The following CFAP61 variants were observed in gnomAD, a reference collection of about 807,000 sequenced individuals.
CFAP61 encodes the protein cilia and flagella associated protein 61.
A neutral mutation model predicts 135.6 loss-of-function variants in CFAP61; 107 were observed. The ratio of observed to expected loss-of-function variants is 0.79; its 90% CI spans 0.67 to 0.93. The LOEUF (loss-of-function observed/expected upper bound fraction) is 0.93. CFAP61 is among the 40% of genes least tolerant of loss of function. The probability of loss-of-function intolerance (pLI) is 0.00; values close to 1 mark genes in which losing one functional copy is unlikely to be tolerated. For synonymous variants in CFAP61, 575 were observed against 578.5 expected, an observed-to-expected ratio of 0.99 and a Z score of 0.09; for missense variants, 1,507 against 1,556.2, an observed-to-expected ratio of 0.97 and a Z score of 0.53.
At chr20:20,312,994 T>C (rs772174330) in intron 25 of CFAP61, among the ~76,000 whole-genome samples, 3 of 152,232 alleles carry the variant, frequency 2.0e-5, no homozygotes, top group African/African-American at 4.8e-5. Flanking sequence ...TTCCAACTGA[T>C]AGCCTTGCGT....
At chr20:20,201,945 A>G (rs1316153709) in intron 17 of CFAP61, among the ~76,000 whole-genome samples, 1 of 152,114 alleles carries the variant, frequency 6.6e-6, no homozygotes, top group Non-Finnish European at 1.5e-5. Flanking sequence ...CGTTTTTATG[A>G]ATATGAAGCA....
chr20:20,249,772 T>A (rs532391220), intron 19 of CFAP61, among the ~76,000 whole-genome samples: 10 of 152,334 alleles, frequency 6.6e-5, no homozygotes, highest in Middle Eastern at 3.4e-3. Flanking sequence ...AAATTTCCCC[T>A]GAGAGCCTTT....
intron 8 of CFAP61, among the ~76,000 whole-genome samples, chr20:20,103,465 T>A (rs2048162473): frequency 6.6e-6 from 1 of 152,202 alleles, no homozygotes; most frequent in Non-Finnish European, 1.5e-5. Context: ...GTATTTTTTT[T>A]ATTTAATGGA....
intron 21 of CFAP61, among the ~76,000 whole-genome samples, chr20:20,270,036 G>A (rs937858762): frequency 2.7e-4 from 41 of 152,080 alleles, no homozygotes; most frequent in African/African-American, 9.2e-4. Flanking sequence ...TTTTGAAGCA[G>A]AAAAAGGAAA....
At chr20:20,296,304 TTCCTTCCTTCCC>T (rs1291770654) in intron 24 of CFAP61, among the ~76,000 whole-genome samples, 69 of 84,752 alleles carry the variant, frequency 8.1e-4, no homozygotes, top group South Asian at 4.0e-3. Flanking sequence ...CTTCCCTTCC[TTCCTTCCTTCCC>T]TCCTTCCTTC....
intron 17 of CFAP61, among the ~76,000 whole-genome samples, chr20:20,211,029 C>T (rs150472976): frequency 1.2e-4 from 18 of 152,188 alleles, no homozygotes; most frequent in African/African-American, 4.1e-4. Flanking sequence ...GAAAAACAAC[C>T]GAGAACCTAG....
chr20:20,224,249 G>A (rs2048581389), intron 17 of CFAP61, among the ~76,000 whole-genome samples: 1 of 152,092 alleles, frequency 6.6e-6, no homozygotes, highest in African/African-American at 2.4e-5. Context: ...GGAATTATAG[G>A]TAAAGAGGTT....
chr20:20,164,012 C>T, intron 10 of CFAP61, 38 bp from the exon 11 acceptor site: 2 of 1,544,584 alleles, frequency 1.3e-6, no homozygotes, highest in East Asian at 4.6e-5. Context: ...AGGGCATTGA[C>T]AGGATTCTCA....
At chr20:20,118,360 A>ATC (rs1411618408) in intron 8 of CFAP61, among the ~76,000 whole-genome samples, 1 of 106,868 alleles carries the variant, frequency 9.4e-6, no homozygotes, top group East Asian at 1.2e-3. Flanking sequence ...TTTTTTTTTA[A>ATC]ACAGGGTTTC....
At chr20:20,320,409 TG>T (rs373258102) in intron 25 of CFAP61, among the ~76,000 whole-genome samples, 7 of 106,870 alleles carry the variant, frequency 6.6e-5, no homozygotes, top group South Asian at 2.7e-4. Context: ...ATGTAATATA[TG>T]TAATATATAT....
intron 25 of CFAP61, among the ~76,000 whole-genome samples, chr20:20,306,266 A>G (rs1211696512): frequency 6.6e-6 from 1 of 152,252 alleles, no homozygotes. Context: ...GTCCAAAATG[A>G]ATGTTCAGAG....
chr20:20,075,681 TTAAAC>T, intron 6 of CFAP61, 66 bp downstream of exon 6: 1 of 1,566,512 alleles, frequency 6.4e-7, no homozygotes, highest in African/African-American at 1.4e-5. Flanking sequence ...CCAAGACTCT[TTAAAC>T]TACCAATGCT....
At chr20:20,350,740 C>T (rs968275071) in intron 26 of CFAP61, among the ~76,000 whole-genome samples, 1 of 152,204 alleles carries the variant, frequency 6.6e-6, no homozygotes, top group Non-Finnish European at 1.5e-5. Context: ...GAGGAAACAA[C>T]CCAAATGTCC....
At chr20:20,101,522 G>T (rs1393133543) in intron 8 of CFAP61, among the ~76,000 whole-genome samples, 4 of 152,172 alleles carry the variant, frequency 2.6e-5, no homozygotes, top group African/African-American at 9.7e-5. Context: ...GTCTTGGCAA[G>T]GTAACGTCTT....
chr20:20,160,807 A>G (rs893684389), intron 10 of CFAP61, among the ~76,000 whole-genome samples: 1 of 152,194 alleles, frequency 6.6e-6, no homozygotes, highest in Non-Finnish European at 1.5e-5. Flanking sequence ...CTTCCATGCC[A>G]TGTTTGCAGC....
At chr20:20,300,593 C>CT (rs1191164833) in intron 25 of CFAP61, among the ~76,000 whole-genome samples, 40 of 149,484 alleles carry the variant, frequency 2.7e-4, no homozygotes, top group Non-Finnish European at 2.7e-4. Flanking sequence ...TTATGGGGTT[C>CT]TTTTGTTTTT....
At position 20,298,384 on chromosome 20, in the gene CFAP61, T is replaced by C. The variant is rs1199235147; in HGVS notation, c.3420T>C (p.Tyr1140=). The change falls in exon 25 of 27, where the codon TAT becomes TAC. Residue 1140 remains tyrosine (Y), a splice_region_variant and synonymous_variant. Coordinates refer to ENST00000245957, the MANE Select transcript of CFAP61 (RefSeq NM_015585.4). The part of the protein sequence containing the change: ...RYDENLITDL[Y]SYFTEPWCLA... ...ATGAAAACCTGATCACAGATCTCTA[T>C]AGGTGAGTTGGACATTGCATTTGAC... 9 of 1,612,772 alleles carry C rather than the reference T, an allele frequency of 5.6e-6. No individual in the cohort carries two copies. Among genetic ancestry groups the C allele is most frequent in the Non-Finnish European group, 6.8e-6 (8 of 1,178,962 alleles).
intron 20 of CFAP61, among the ~76,000 whole-genome samples, chr20:20,254,866 G>A (rs945471281): frequency 1.3e-5 from 2 of 152,132 alleles, no homozygotes; most frequent in African/African-American, 4.8e-5. Flanking sequence ...AATGCACATC[G>A]CTATTTCTTA....
chr20:20,134,548 A>G (rs759452577), intron 8 of CFAP61, among the ~76,000 whole-genome samples: 40 of 152,226 alleles, frequency 2.6e-4, no homozygotes, highest in Non-Finnish European at 5.0e-4. Flanking sequence ...TCTAGTTCAC[A>G]GGAAGACTTT....
Sources: gnomAD v4.1 joint callset for allele counts (sites outside exome capture counted in the v4.1 genomes callset) on GRCh38, gnomAD v4.1.1 for gene constraint, MANE v1.5 for transcripts, NCBI Gene and HGNC (gene_info 2026-07-23, HGNC 2026-07-21) for gene names.